LINGO2: variants seen among roughly 807,000 people sequenced by gnomAD.
The protein encoded by LINGO2 is leucine-rich repeat and immunoglobulin-like domain-containing nogo receptor-interacting protein 2.
A neutral mutation model predicts 30.6 loss-of-function variants in LINGO2; 14 were observed. The observed-to-expected ratio is 0.46, with a 90% CI of 0.30 to 0.72. LINGO2 has a LOEUF of 0.72. Among genes scored for constraint, LINGO2 ranks in the 30% least tolerant of loss-of-function variants. LINGO2 has a pLI of 0.07. For missense variants in LINGO2, 729 were observed against 751.7 expected, an observed-to-expected ratio of 0.97 and a Z score of 0.35; for synonymous variants, 317 against 288.5, an observed-to-expected ratio of 1.10 and a Z score of -1.00.
chr9:28,409,669 T>C (rs1298273412), intron 2 of LINGO2, among the ~76,000 whole-genome samples: 1 of 151,228 alleles, frequency 6.6e-6, no homozygotes, highest in Non-Finnish European at 1.5e-5. Context: ...TCGAAGTCAT[T>C]GTAAAAGGAA....
chr9:27,980,292 T>C (rs1349930264), intron 5 of LINGO2, among the ~76,000 whole-genome samples: 5 of 151,930 alleles, frequency 3.3e-5, no homozygotes, highest in Admixed American at 6.6e-5. Flanking sequence ...TTCAATTCCC[T>C]GGCAATAAAC....
At chr9:28,976,741 A>G in the LINGO2 span, among the ~76,000 whole-genome samples, 232 of 152,168 alleles carry the variant, frequency 1.5e-3, no homozygotes, top group African/African-American at 5.3e-3. Context: ...CAGTATTGCT[A>G]TTTCCTAAGC....
chr9:28,358,561 T>C (rs1010450974), intron 3 of LINGO2, among the ~76,000 whole-genome samples: 2 of 152,070 alleles, frequency 1.3e-5, no homozygotes, highest in Non-Finnish European at 2.9e-5. Context: ...ACACCTTAGT[T>C]TTCACCCTGA....
chr9:28,366,331 G>C (rs1334548326), intron 3 of LINGO2, among the ~76,000 whole-genome samples: 3 of 152,126 alleles, frequency 2.0e-5, no homozygotes, highest in African/African-American at 7.2e-5. Context: ...GGCTGTGTTT[G>C]AAAGACTCTA....
chr9:29,062,684 T>C, the LINGO2 span, among the ~76,000 whole-genome samples: 1 of 152,084 alleles, frequency 6.6e-6, no homozygotes, highest in Non-Finnish European at 1.5e-5. Flanking sequence ...GTAAAGAGAA[T>C]GAAATGGGGA....
At chr9:28,499,847 G>A (rs1172089897) in intron 1 of LINGO2, among the ~76,000 whole-genome samples, 1 of 152,106 alleles carries the variant, frequency 6.6e-6, no homozygotes, top group East Asian at 1.9e-4. Context: ...AGACTAATTA[G>A]AGAATAGTAG....
chr9:29,065,447 T>C, the LINGO2 span, among the ~76,000 whole-genome samples: 1 of 152,108 alleles, frequency 6.6e-6, no homozygotes, highest in Non-Finnish European at 1.5e-5. Flanking sequence ...AATTTTTATA[T>C]AGTGAAAGGA....
chr9:28,476,659 T>A (rs1244004061), intron 1 of LINGO2, among the ~76,000 whole-genome samples: 2 of 152,190 alleles, frequency 1.3e-5, no homozygotes, highest in Non-Finnish European at 2.9e-5. Flanking sequence ...GTACTTAAAC[T>A]CCAGAAGGCA....
At chr9:28,959,950 G>A in the LINGO2 span, among the ~76,000 whole-genome samples, 1 of 151,978 alleles carries the variant, frequency 6.6e-6, no homozygotes, top group Non-Finnish European at 1.5e-5. Flanking sequence ...GTCCTCATAG[G>A]GTAGTTTTAA....
the LINGO2 span, among the ~76,000 whole-genome samples, chr9:28,818,731 T>C: frequency 6.6e-6 from 1 of 152,126 alleles, no homozygotes. Context: ...CTGTTTCTCC[T>C]GGGAATCTGT....
At chr9:28,368,562 G>A (rs1328316254) in intron 3 of LINGO2, among the ~76,000 whole-genome samples, 1 of 150,302 alleles carries the variant, frequency 6.7e-6, no homozygotes, top group Non-Finnish European at 1.5e-5. Flanking sequence ...GTTTTCATTA[G>A]AGTGCCTTCT....
the LINGO2 span, among the ~76,000 whole-genome samples, chr9:29,208,035 A>C: frequency 6.6e-6 from 1 of 152,080 alleles, no homozygotes; most frequent in Admixed American, 6.6e-5. Flanking sequence ...ATGGTCTACC[A>C]GTGGTCCTGG....
At chr9:28,890,574 T>C in the LINGO2 span, among the ~76,000 whole-genome samples, 1 of 152,054 alleles carries the variant, frequency 6.6e-6, no homozygotes, top group Non-Finnish European at 1.5e-5. Flanking sequence ...GCAGAGGAGT[T>C]TGGAGGACAA....
the LINGO2 span, among the ~76,000 whole-genome samples, chr9:28,938,067 A>T: frequency 6.6e-6 from 1 of 152,206 alleles, no homozygotes; most frequent in Non-Finnish European, 1.5e-5. Context: ...GTGTTAAAGA[A>T]TAAGGCATAT....
intron 1 of LINGO2, among the ~76,000 whole-genome samples, chr9:28,664,912 C>T (rs1388898983): frequency 5.4e-5 from 8 of 149,424 alleles, no homozygotes; most frequent in South Asian, 2.1e-4. Context: ...TTGTTATTAA[C>T]GGACTCCACA....
chr9:28,190,454 G>C lies in LINGO2; in HGVS notation c.-87+104754C>G, dbSNP rs1009836757. On this transcript the variant is annotated intron_variant, in intron 4 of 5. Coordinates refer to ENST00000379992, the Ensembl canonical transcript of LINGO2. ...CTAGTGTAATGGTATTAGGAGGTGG[G>C]GCCATTGAGATGTGATTATGTCCTG... Among the ~76,000 whole-genome samples the C allele has an allele frequency of 2.0e-5, 3 of 152,020 alleles. No homozygotes were observed. In the South Asian group the frequency reaches 6.2e-4, roughly 32 times the overall value.
the LINGO2 span, among the ~76,000 whole-genome samples, chr9:29,167,527 T>C: frequency 6.6e-6 from 1 of 152,176 alleles, no homozygotes; most frequent in African/African-American, 2.4e-5. Context: ...ATCTGAATGA[T>C]ATTCCTTAAA....
At chr9:28,071,152 T>TTCC (rs1336428911) in intron 4 of LINGO2, among the ~76,000 whole-genome samples, 1 of 152,218 alleles carries the variant, frequency 6.6e-6, no homozygotes, top group Non-Finnish European at 1.5e-5. Flanking sequence ...AAGATGTATA[T>TTCC]TCCTCCCTTT....
chr9:28,280,210 A>C (rs1480128732), intron 4 of LINGO2, among the ~76,000 whole-genome samples: 2 of 152,158 alleles, frequency 1.3e-5, no homozygotes, highest in Non-Finnish European at 2.9e-5. Flanking sequence ...TTCAGCAAAA[A>C]TTTTTGAGAG....
Sources: allele counts gnomAD v4.1 joint callset (sites outside exome capture counted in the v4.1 genomes callset), GRCh38; gene constraint gnomAD v4.1.1; transcripts MANE v1.5; gene names NCBI Gene and HGNC (gene_info 2026-07-23, HGNC 2026-07-21).